ITGAM: variants seen among roughly 807,000 people sequenced by gnomAD.
ITGAM encodes integrin subunit alpha M.
In ITGAM, 79 loss-of-function variants were observed where a neutral mutation model predicts 137.5. The ratio of observed to expected loss-of-function variants is 0.57; its 90% confidence interval spans 0.48 to 0.69. ITGAM has a LOEUF of 0.69. Among genes scored for constraint, ITGAM ranks in the 30% least tolerant of loss-of-function variants. The pLI, the probability that ITGAM is intolerant of heterozygous loss-of-function variation, is 0.00. For missense variants in ITGAM, 1,343 were observed against 1,483.5 expected (o/e 0.91, Z 1.56); for synonymous variants, 583 against 592.3 (o/e 0.98, Z 0.23).
intron 14 of ITGAM, among the ~76,000 whole-genome samples, chr16:31,314,564 C>T (rs1414510083): frequency 6.6e-6 from 1 of 151,896 alleles, no homozygotes; most frequent in Non-Finnish European, 1.5e-5. Flanking sequence ...ATTTCTGAGG[C>T]CTCTGTTCTG....
Position 31,260,024 on chromosome 16 carries a change from C to A in ITGAM, c.-41C>A. On this transcript the variant is annotated 5_prime_UTR_variant, in exon 1 of 30. Coordinates refer to ENST00000544665, the MANE Select transcript of ITGAM (RefSeq NM_000632.4). Reference sequence around the variant, plus strand: ...TGTGGTTCCTCAGTGGTGCCTGCAACCCCTGGTTCACCTCCTTCCAGGTTC... The same window carrying A: ...TGTGGTTCCTCAGTGGTGCCTGCAAACCCTGGTTCACCTCCTTCCAGGTTC... 6.4e-7 allele frequency: 1 copy of A among 1,568,934 alleles called. No homozygotes were observed. Among genetic ancestry groups the A allele is most frequent in the East Asian group, 2.3e-5 (1 of 43,420 alleles).
intron 16 of ITGAM, among the ~76,000 whole-genome samples, chr16:31,323,037 A>G (rs1253454191): frequency 6.7e-6 from 1 of 149,198 alleles, no homozygotes; most frequent in Non-Finnish European, 1.5e-5. Context: ...GTGGGGGAGG[A>G]GAGAGAGAGA....
chr16:31,305,978 T>C (rs943048801), intron 14 of ITGAM, among the ~76,000 whole-genome samples: 3 of 152,178 alleles, frequency 2.0e-5, no homozygotes, highest in East Asian at 3.8e-4. Flanking sequence ...ACTGGCTTTA[T>C]AGAATGATTT....
At chr16:31,297,486 T>A in intron 12 of ITGAM, 28 bp from the exon 13 acceptor site, 1 of 1,611,346 alleles carries the variant, frequency 6.2e-7, no homozygotes, top group East Asian at 2.2e-5. Flanking sequence ...TGGGAAGAGG[T>A]GTGTGATTAC....
chr16:31,313,672 A>G (rs998047983), intron 14 of ITGAM, among the ~76,000 whole-genome samples: 2 of 152,212 alleles, frequency 1.3e-5, no homozygotes, highest in Admixed American at 1.3e-4. Context: ...TATTGTAAAT[A>G]GTGCTTCAGT....
rs377161617 is a variant in ITGAM at position 31,297,794 on chromosome 16, C to T, written c.1547C>T (p.Pro516Leu). The T allele has an allele frequency of 3.7e-6, 6 of 1,608,196 alleles. No homozygotes were observed. The African/African-American group carries it at 4.0e-5, about 11-fold the overall frequency. Residue 516 changes from proline (P) to leucine (L), a missense_variant, in exon 14 of 30, where the codon CCC (proline) becomes CTC (leucine). Physicochemically the swap from Pro to Leu is moderately conservative, Grantham distance 98. Coordinates refer to ENST00000544665, the MANE Select transcript of ITGAM (RefSeq NM_000632.4). ...GTTCTCTACGGGGAGCAGGGCCAAC[C>T]CTGGGGCCGCTTTGGGGCAGCCCTA... ...DAVLYGEQGQ[P>L]WGRFGAALTV...
intron 12 of ITGAM, among the ~76,000 whole-genome samples, chr16:31,287,102 A>T (rs896492679): frequency 6.6e-6 from 1 of 152,154 alleles, no homozygotes; most frequent in Non-Finnish European, 1.5e-5. Flanking sequence ...CTGCATATGG[A>T]TAGCCAGTTA....
At chr16:31,306,748 G>A (rs1364220393) in intron 14 of ITGAM, among the ~76,000 whole-genome samples, 1 of 152,022 alleles carries the variant, frequency 6.6e-6, no homozygotes, top group East Asian at 1.9e-4. Flanking sequence ...CTGACCTTGT[G>A]ATCTGCCCGT....
intron 12 of ITGAM, among the ~76,000 whole-genome samples, chr16:31,282,367 G>A (rs539315659): frequency 1.6e-4 from 24 of 152,204 alleles, no homozygotes; most frequent in South Asian, 1.5e-3. Context: ...TCTCTGTGTA[G>A]GTCACTAAGC....
Position 31,261,774 on chromosome 16 carries a change from C to A in ITGAM, c.111C>A (p.Ser37Arg). The A allele has an allele frequency of 2.5e-6, 4 of 1,612,592 alleles. No homozygotes were observed. Among genetic ancestry groups the A allele is most frequent in the Non-Finnish European group, 2.5e-6 (3 of 1,179,182 alleles). The stretch of plus-strand genomic sequence containing the variant: ...AGAACGCAAGGGGCTTCGGGCAGAG[C>A]GTGGTCCAGCTTCAGGGATCCAGGT... ...FQENARGFGQSVVQLQGSRVV... is the reference protein window; with the variant it reads ...FQENARGFGQRVVQLQGSRVV... Residue 37 changes from serine (S) to arginine (R), a missense_variant, in exon 2 of 30, where the codon AGC (serine) becomes AGA (arginine). Ser to Arg is a moderately radical substitution (Grantham distance 110, BLOSUM62 -1). Transcript: ENST00000544665.
intron 1 of ITGAM, 145 bp downstream of exon 1, chr16:31,260,237 C>T: frequency 1.5e-6 from 1 of 655,836 alleles, no homozygotes; most frequent in South Asian, 1.9e-5. Flanking sequence ...CAAGAAGAAG[C>T]AGGGAGAACA....
intron 12 of ITGAM, among the ~76,000 whole-genome samples, chr16:31,297,198 C>T (rs539114658): frequency 6.6e-5 from 10 of 152,166 alleles, no homozygotes; most frequent in African/African-American, 2.4e-4. Context: ...AGATTGGGAT[C>T]TTGCTCTGTT....
At chr16:31,260,479 C>T (rs941427461) in intron 1 of ITGAM, among the ~76,000 whole-genome samples, 12 of 152,056 alleles carry the variant, frequency 7.9e-5, no homozygotes, top group African/African-American at 2.4e-4. Context: ...TCCAAGGTCC[C>T]GGGTGCAAAT....
intron 12 of ITGAM, among the ~76,000 whole-genome samples, chr16:31,283,433 T>G (rs572926342): frequency 6.6e-6 from 1 of 152,226 alleles, no homozygotes; most frequent in Non-Finnish European, 1.5e-5. Flanking sequence ...TACTCTTTTT[T>G]TCTCTGAACT....
chr16:31,272,464 T>TATATATATATATA (rs1398893791), intron 7 of ITGAM, among the ~76,000 whole-genome samples: 13 of 9,020 alleles, frequency 1.4e-3, no homozygotes, highest in African/African-American at 2.0e-3. Context: ...TATATATATA[T>TATATATATATATA]TTTTTTTTTT....
At position 31,325,040 on chromosome 16, in the gene ITGAM, C is replaced by T. The variant is rs199959240; in HGVS notation, c.2363+9C>T. On this transcript the variant is annotated intron_variant, in intron 19 of 29. Coordinates refer to ENST00000544665, the MANE Select transcript of ITGAM (RefSeq NM_000632.4). The stretch of plus-strand genomic sequence containing the variant: ...ACCTTCAGTTTCATGAGGTGAGTTT[C>T]CTTTCCTCCTCACCTCCTCCAGAGA... 1.6e-5 allele frequency: 25 copies of T among 1,606,112 alleles called. No individual in the cohort carries two copies. The East Asian group carries it at 5.4e-4, about 34-fold the overall frequency.
rs997177855 is a variant in ITGAM at position 31,328,167 on chromosome 16, C to T, written c.2729C>T (p.Thr910Ile). The T allele has an allele frequency of 7.4e-6, 12 of 1,613,914 alleles. No individual in the cohort carries two copies. Among genetic ancestry groups the T allele is most frequent in the South Asian group, 1.1e-5 (1 of 91,082 alleles). The change falls in exon 23 of 30, where the codon ACC (threonine) becomes ATC (isoleucine). Residue 910 changes from threonine to isoleucine, a missense_variant. Coordinates refer to ENST00000544665, the MANE Select transcript of ITGAM (RefSeq NM_000632.4). ...NVTSENNMPRTNKTEFQLELP... is the reference protein window; with the variant it reads ...NVTSENNMPRINKTEFQLELP... ...TCCAGTGAGAACAACATGCCCAGAA[C>T]CAACAAAACCGAATTCCAACTGGAG... is the stretch of plus-strand genomic sequence containing the variant.
In ITGAM at chr16:31,326,941, C is replaced by G; in HGVS notation, c.2708+6C>G. ...CTCAAGGCCAATGTGACCAGGTGCT[C>G]TCTGCTACCAGGCTTCTGCAGGCAG... On this transcript the variant is annotated splice_donor_region_variant and intron_variant, in intron 22 of 29. Transcript: ENST00000544665. The G allele has an allele frequency of 1.2e-6, 2 of 1,607,464 alleles. No homozygotes were observed. The highest frequency in any genetic ancestry group is 1.7e-6 in the Non-Finnish European group (2 of 1,173,954).
Position 31,278,197 on chromosome 16 carries a change from T to C in ITGAM, c.1356+88T>C, listed in dbSNP as rs41428951. On this transcript the variant is annotated intron_variant, in intron 12 of 29. Coordinates refer to ENST00000544665, the MANE Select transcript of ITGAM (RefSeq NM_000632.4). ...AGGAGGGGCATTCAGATGACATGCA[T>C]GGCCCTCTTGTAAAGGAGGCTTTGG... 790 of 1,390,418 alleles carry C rather than the reference T, an allele frequency of 5.7e-4. 2 individuals are homozygous for C. The African/African-American group carries it at 0.01, about 18-fold the overall frequency. The allele number at this position is 1,390,418 out of a possible 1,614,324, so 86.1% of individuals were successfully genotyped here.
Sources: gnomAD v4.1 joint callset for allele counts (sites outside exome capture counted in the v4.1 genomes callset) on GRCh38, gnomAD v4.1.1 for gene constraint, MANE v1.5 for transcripts, NCBI Gene and HGNC (gene_info 2026-07-23, HGNC 2026-07-21) for gene names.